Variants in PHRF1 observed in about 807,000 individuals in gnomAD.
The protein encoded by PHRF1 is PHD and RING finger domain-containing protein 1.
Under a neutral mutation model 128.9 loss-of-function variants are expected in PHRF1, and 53 were observed. That is an observed-to-expected ratio of 0.41 (90% CI 0.33 to 0.52). The LOEUF is 0.52. PHRF1 is among the 20% of genes least tolerant of loss of function. The pLI, the probability that PHRF1 is intolerant of heterozygous loss-of-function variation, is 0.21. For missense variants in PHRF1, 2,503 were observed against 2,284.5 expected (o/e 1.10, Z -1.95); for synonymous variants, 1,178 against 980.6 (o/e 1.20, Z -3.76).
rs904356630 is a variant in PHRF1, at chr11:582,924, C to T, written c.214+843C>T. ...TGGTAGACGCCTGTAATCCCAGCTACTCGGAAGGCTGAGGCAGGAGAATGG... is the reference window on the plus strand; with the variant it reads ...TGGTAGACGCCTGTAATCCCAGCTATTCGGAAGGCTGAGGCAGGAGAATGG... On this transcript the variant is annotated intron_variant, in intron 3 of 17. Coordinates refer to ENST00000264555, the MANE Select transcript of PHRF1 (RefSeq NM_001286581.2). Among the ~76,000 whole-genome samples the T allele has an allele frequency of 3.3e-5, 5 of 149,550 alleles. No homozygotes were observed. The South Asian group carries it at 6.4e-4, about 19-fold the overall frequency.
intron 3 of PHRF1, among the ~76,000 whole-genome samples, chr11:585,856 A>G (rs1199217946): frequency 7.0e-6 from 1 of 142,434 alleles, no homozygotes; most frequent in Non-Finnish European, 1.5e-5. Context: ...AATTTTTTGT[A>G]TATTTATTTA....
In PHRF1 at chr11:607,258, G is replaced by A; in HGVS notation, c.1802G>A (p.Arg601Lys). ...TPARTAGAPV[R>K]LDLPAAPGAV... is the part of the protein sequence containing the mutation. ...GCCCGCACCGCGGGGGCGCCTGTGA[G>A]GCTGGACTTGCCAGCAGCCCCTGGG... The change falls in exon 14 of 18, where the codon AGG (arginine) becomes AAG (lysine). Residue 601 changes from arginine to lysine, a missense_variant. Transcript: ENST00000264555. 5 of 1,612,582 alleles carry A rather than the reference G, an allele frequency of 3.1e-6. No individual in the cohort carries two copies. Among genetic ancestry groups the A allele is most frequent in the Non-Finnish European group, 4.2e-6 (5 of 1,179,832 alleles).
intron 10 of PHRF1, among the ~76,000 whole-genome samples, chr11:603,536 C>T (rs750535893): frequency 4.6e-5 from 7 of 152,072 alleles, no homozygotes; most frequent in Non-Finnish European, 7.4e-5. Context: ...GGTCTCACTG[C>T]GTTCCCCAAG....
Position 607,470 on chromosome 11 carries a change from A to G in PHRF1, c.2014A>G (p.Arg672Gly), listed in dbSNP as rs777129945. ...VPGPPLKPAP[R>G]RTDISELPRI... is the part of the protein sequence containing the mutation. ...GGGGCCTCCCCTGAAGCCAGCGCCC[A>G]GAAGAACAGACATCTCTGAGCTACC... Residue 672 changes from arginine (R) to glycine (G), a missense_variant, in exon 14 of 18, where the codon AGA becomes GGA. By Grantham distance (125) the Arg-to-Gly change is moderately radical (BLOSUM62 -2). Coordinates refer to ENST00000264555, the MANE Select transcript of PHRF1 (RefSeq NM_001286581.2). The G allele has an allele frequency of 1.2e-6, 2 of 1,612,558 alleles. No individual in the cohort carries two copies. The highest frequency in any genetic ancestry group is 2.2e-5 in the East Asian group (1 of 44,644).
intron 10 of PHRF1, among the ~76,000 whole-genome samples, 190 bp downstream of exon 10, chr11:601,891 G>A (rs1474064418): frequency 6.6e-6 from 1 of 152,242 alleles, no homozygotes; most frequent in Non-Finnish European, 1.5e-5. Flanking sequence ...CTGTAGCACA[G>A]ACTGAAGATG....
chr11:610,440 G>A, intron 15 of PHRF1, 61 bp from the exon 16 acceptor site: 1 of 1,560,730 alleles, frequency 6.4e-7, no homozygotes, highest in Non-Finnish European at 8.7e-7. Flanking sequence ...AGGCCTCACA[G>A]CTCCTGGGCA....
chr11:601,694 A>G lies in PHRF1; in HGVS notation c.1145A>G (p.Lys382Arg). Residue 382 changes from lysine to arginine, a missense_variant, in exon 10 of 18, where the codon AAG becomes AGG. By Grantham distance (26) the Lys-to-Arg change is conservative. Transcript: ENST00000264555. ...QHRVKKRRGK[K>R]VKSEATTRSR... ...CGAGTGAAGAAGAGAAGAGGGAAGA[A>G]GGTAAAGGTGAGCATTGGGTGGCAG... The G allele has an allele frequency of 6.2e-7, 1 of 1,613,824 alleles. No homozygotes were observed. The highest frequency in any genetic ancestry group is 1.1e-5 in the South Asian group (1 of 91,078).
At chr11:587,890 C>T (rs1854675789) in intron 4 of PHRF1, among the ~76,000 whole-genome samples, 1 of 152,218 alleles carries the variant, frequency 6.6e-6, no homozygotes, top group South Asian at 2.1e-4. Context: ...TCAAAAGAGA[C>T]TGTCCTTAAA....
chr11:581,428 C>G, intron 1 of PHRF1, 64 bp from the exon 2 acceptor site: 1 of 1,450,032 alleles, frequency 6.9e-7, no homozygotes, highest in Non-Finnish European at 9.5e-7. Context: ...GAGGTCATAA[C>G]TCTTCAGAGG....
chr11:583,288 A>G (rs770935599), intron 3 of PHRF1, among the ~76,000 whole-genome samples: 23 of 151,738 alleles, frequency 1.5e-4, no homozygotes, highest in Non-Finnish European at 2.9e-4. Context: ...GCAGTGAGCC[A>G]AGATCGCCAC....
chr11:591,359 C>G (rs778561109), intron 4 of PHRF1, 25 bp from the exon 5 acceptor site: 2 of 1,574,304 alleles, frequency 1.3e-6, no homozygotes, highest in East Asian at 4.5e-5. Context: ...TGACAAGATT[C>G]TGATCCTGTT....
At chr11:584,731 T>G (rs999429095) in intron 3 of PHRF1, among the ~76,000 whole-genome samples, 1 of 134,378 alleles carries the variant, frequency 7.4e-6, no homozygotes, top group Non-Finnish European at 1.6e-5. Context: ...TCCAGGACCT[T>G]TTTTTTTTTT....
intron 3 of PHRF1, 51 bp downstream of exon 3, chr11:582,132 G>T: frequency 6.4e-7 from 1 of 1,551,914 alleles, no homozygotes; most frequent in Non-Finnish European, 8.7e-7. Flanking sequence ...TTGTCGTGAT[G>T]GGGACAGCCT....
Position 607,135 on chromosome 11 carries a change from AGCCCC to A in PHRF1, c.1681_1685del (p.Pro561SerfsTer86). On this transcript the variant is annotated frameshift_variant, in exon 14 of 18. Coordinates refer to ENST00000264555, the MANE Select transcript of PHRF1 (RefSeq NM_001286581.2). LOFTEE classifies it high-confidence loss of function. ...GAAGAAGGATTCAAGGGCTGCCTGC[AGCCCC>A]GAGCACTGCCCTCCGGGAGCCCGGC... 1 of 1,612,722 alleles carries A rather than the reference AGCCCC, an allele frequency of 6.2e-7. No homozygotes were observed. Among genetic ancestry groups the A allele is most frequent in the Non-Finnish European group, 8.5e-7 (1 of 1,179,536 alleles).
At position 608,038 on chromosome 11, in the gene PHRF1, G is replaced by A. The variant is rs751941698; in HGVS notation, c.2582G>A (p.Arg861Gln). Residue 861 changes from arginine to glutamine, a missense_variant, in exon 14 of 18, where the codon CGA (arginine) becomes CAA (glutamine). By Grantham distance (43) the Arg-to-Gln change is conservative. Transcript: ENST00000264555. ...GGCCTCCTGCCCTCTGAGATCACAC[G>A]AACCATCTCCATCAACAGCCCGAAG... ...GPGLLPSEIT[R>Q]TISINSPKAQ... 3.7e-6 allele frequency: 6 copies of A among 1,611,112 alleles called. No individual in the cohort carries two copies. The highest frequency in any genetic ancestry group is 2.7e-5 in the African/African-American group (2 of 74,932).
chr11:598,814 A>G (rs1324233774), intron 9 of PHRF1, among the ~76,000 whole-genome samples: 1 of 152,092 alleles, frequency 6.6e-6, no homozygotes, highest in Non-Finnish European at 1.5e-5. Context: ...TGCTGTAAAC[A>G]TTTGTCAGAA....
At chr11:583,662 G>T (rs1854354067) in intron 3 of PHRF1, among the ~76,000 whole-genome samples, 2 of 152,262 alleles carry the variant, frequency 1.3e-5, no homozygotes, top group South Asian at 4.1e-4. Context: ...GGAGGCTGAG[G>T]TGGGAGGACC....
At chr11:594,359 G>A (rs902505020) in intron 6 of PHRF1, among the ~76,000 whole-genome samples, 2 of 152,258 alleles carry the variant, frequency 1.3e-5, no homozygotes, top group Non-Finnish European at 2.9e-5. Flanking sequence ...TGGCTCGAGG[G>A]CAGCTGGTAG....
At position 607,456 on chromosome 11, in the gene PHRF1, T is replaced by C; in HGVS notation, c.2000T>C (p.Leu667Pro). The C allele has an allele frequency of 6.2e-7, 1 of 1,612,828 alleles. No individual in the cohort carries two copies. Among genetic ancestry groups the C allele is most frequent in the Non-Finnish European group, 8.5e-7 (1 of 1,179,872 alleles). The change falls in exon 14 of 18, where the codon CTG becomes CCG. Residue 667 changes from leucine to proline, a missense_variant. By Grantham distance (98) the Leu-to-Pro change is moderately conservative. Coordinates refer to ENST00000264555, the MANE Select transcript of PHRF1 (RefSeq NM_001286581.2). ...CGCAGTGTGGTGCCGGGGCCTCCCCTGAAGCCAGCGCCCAGAAGAACAGAC... is the reference window on the plus strand; with the variant it reads ...CGCAGTGTGGTGCCGGGGCCTCCCCCGAAGCCAGCGCCCAGAAGAACAGAC... ...PCRSVVPGPP[L>P]KPAPRRTDIS...
Sources: gnomAD v4.1 joint callset for allele counts (sites outside exome capture counted in the v4.1 genomes callset) on GRCh38, gnomAD v4.1.1 for gene constraint, MANE v1.5 for transcripts, NCBI Gene and HGNC (gene_info 2026-07-23, HGNC 2026-07-21) for gene names.